LIMS2: variants seen among roughly 807,000 people sequenced by gnomAD.
LIMS2 encodes LIM and senescent cell antigen-like-containing domain protein 2.
In LIMS2, 30 loss-of-function variants were observed where a neutral mutation model predicts 45.3. The ratio of observed to expected loss-of-function variants is 0.66; its 90% CI spans 0.50 to 0.90. The LOEUF (loss-of-function observed/expected upper bound fraction) is 0.90, where lower values mean the gene tolerates loss of function less well. LIMS2 is among the 40% of genes least tolerant of loss of function. The pLI, the probability that LIMS2 is intolerant of heterozygous loss-of-function variation, is 0.00. For missense variants in LIMS2, 485 were observed against 468.7 expected, an observed-to-expected ratio of 1.03 and a Z score of -0.32; for synonymous variants, 173 against 188.0, an observed-to-expected ratio of 0.92 and a Z score of 0.65.
rs1421332603 is a variant in LIMS2, at chr2:127,643,027, C to T, written c.405G>A (p.Leu135=). 6.3e-7 allele frequency: 1 copy of T among 1,588,238 alleles called. No individual in the cohort carries two copies. Among genetic ancestry groups the T allele is most frequent in the Non-Finnish European group, 8.6e-7 (1 of 1,167,720 alleles). Residue 135 remains leucine (L), a synonymous_variant, in exon 5 of 10, where the codon CTG becomes CTA. Transcript: ENST00000355119. ...PCHNREKAKG[L]GKYICQRCHL... is the part of the protein sequence containing the mutation. The stretch of plus-strand genomic sequence containing the variant: ...GGCACCGCTGGCAGATGTACTTGCC[C>T]AGGCCCTTGGCCTTCTCACGGTTGT...
intron 1 of LIMS2, among the ~76,000 whole-genome samples, chr2:127,659,869 C>G (rs1558893381): frequency 6.6e-6 from 1 of 152,244 alleles, no homozygotes; most frequent in African/African-American, 2.4e-5. Context: ...ACGCCTGCCC[C>G]CTCTGGCTTC....
At chr2:127,651,806 C>A in intron 4 of LIMS2, 1 of 1,537,890 alleles carries the variant, frequency 6.5e-7, no homozygotes, top group Non-Finnish European at 8.9e-7. Context: ...CTCAGCAGAC[C>A]CAGCAAGAGG....
Position 127,664,394 on chromosome 2 carries a change from G to A in LIMS2, c.12-6832C>T, listed in dbSNP as rs1684881116. The A allele has an allele frequency of 2.5e-6, 3 of 1,204,150 alleles. No individual in the cohort carries two copies. Among genetic ancestry groups the A allele is most frequent in the South Asian group, 4.2e-5 (1 of 24,018 alleles). 74.6% of individuals were successfully genotyped at this position (1,204,150 alleles called of 1,614,324 possible). A position where few individuals can be genotyped will look rare whatever the true frequency, so the allele number is the denominator to read the frequency against. Reference sequence around the variant, plus strand: ...GCACCCAGCCGGGCCGCCATGGCGCGGGGCAGCCGCCTTGAGGTCGCGGGC... The same window carrying A: ...GCACCCAGCCGGGCCGCCATGGCGCAGGGCAGCCGCCTTGAGGTCGCGGGC... On this transcript the variant is annotated intron_variant, in intron 1 of 9. Coordinates refer to ENST00000355119, the MANE Select transcript of LIMS2 (RefSeq NM_001161403.3). This position sits in a 1 kb window ranked among gnomAD's most constrained non-coding sequence, Gnocchi z 5.5.
chr2:127,650,054 A>G (rs748243679), intron 4 of LIMS2: 31 of 1,607,982 alleles, frequency 1.9e-5, no homozygotes, highest in Non-Finnish European at 2.5e-5. Flanking sequence ...AAAGCCCCCA[A>G]GAGAGATGCT....
intron 4 of LIMS2, chr2:127,649,872 G>A (rs567401939): frequency 4.3e-6 from 3 of 705,304 alleles, no homozygotes; most frequent in Admixed American, 2.6e-5. Flanking sequence ...TGTCTCTGAC[G>A]CTGGGTAAAA....
intron 4 of LIMS2, among the ~76,000 whole-genome samples, chr2:127,644,933 G>A (rs2105221485): frequency 6.6e-6 from 1 of 152,352 alleles, no homozygotes; most frequent in Middle Eastern, 3.4e-3. Context: ...CATCTCTCTT[G>A]AAGGAAGTCC....
At chr2:127,652,988 C>A (rs1683955139) in intron 4 of LIMS2, among the ~76,000 whole-genome samples, 1 of 152,272 alleles carries the variant, frequency 6.6e-6, no homozygotes, top group South Asian at 2.1e-4. Flanking sequence ...GGAGATTGGG[C>A]TCGCTCCACA....
chr2:127,673,231 A>G (rs72968910), intron 1 of LIMS2, among the ~76,000 whole-genome samples: 5,631 of 152,278 alleles, frequency 0.037, 361 homozygotes, highest in African/African-American at 0.13. Flanking sequence ...GCGGGGAGCC[A>G]CCGAACTGCA....
At chr2:127,678,624 A>T (rs1468866358), upstream of LIMS2, among the ~76,000 whole-genome samples, 1 of 152,004 alleles carries the variant, frequency 6.6e-6, no homozygotes, top group Non-Finnish European at 1.5e-5. The surrounding 1 kb of genome is among the most constrained non-coding windows in gnomAD (Gnocchi z 5.3). Context: ...GGGAATCTGG[A>T]TGTGTGTGTG....
At chr2:127,662,533 A>G (rs1005210234) in intron 1 of LIMS2, among the ~76,000 whole-genome samples, 1 of 151,338 alleles carries the variant, frequency 6.6e-6, no homozygotes, top group South Asian at 2.1e-4. Flanking sequence ...GGACGCTAGA[A>G]AATTAACATG....
intron 1 of LIMS2, among the ~76,000 whole-genome samples, chr2:127,662,796 TAATAA>T (rs1047489526): frequency 3.9e-4 from 59 of 151,738 alleles, no homozygotes; most frequent in African/African-American, 1.4e-3. Flanking sequence ...AGTCTAATAA[TAATAA>T]AATAAAAAAG....
exon 1 of LIMS2, chr2:127,681,559 G>A (rs1392753217): frequency 6.6e-6 from 1 of 152,348 alleles, no homozygotes; most frequent in African/African-American, 2.4e-5. Context: ...AGGCACCTTG[G>A]GGTCAGGAGG....
chr2:127,649,421 G>A (rs1397178617), intron 4 of LIMS2, among the ~76,000 whole-genome samples: 1 of 152,246 alleles, frequency 6.6e-6, no homozygotes, highest in African/African-American at 2.4e-5. Context: ...GCAGGGTGGG[G>A]ATGGTGGATA....
Position 127,667,641 on chromosome 2 carries a change from ATCT to A in LIMS2, c.11+7370_11+7372del, listed in dbSNP as rs1410880339. 6.6e-6 allele frequency among the ~76,000 whole-genome samples: 1 copy of A among 152,250 alleles called. No individual in the cohort carries two copies. Among genetic ancestry groups the A allele is most frequent in the East Asian group, 1.9e-4 (1 of 5,200 alleles). ...GAAAACACATTTGGCAAAATCCAAC[ATCT>A]TTTCATAATAAAAGCACCCAACAAA... is the stretch of plus-strand genomic sequence containing the variant. On this transcript the variant is annotated intron_variant, in intron 1 of 9. Coordinates refer to ENST00000355119, the MANE Select transcript of LIMS2 (RefSeq NM_001161403.3). This position sits in a 1 kb window ranked among gnomAD's most constrained non-coding sequence, Gnocchi z 4.1.
chr2:127,644,478 C>G (rs956037735), intron 4 of LIMS2, among the ~76,000 whole-genome samples: 2 of 152,216 alleles, frequency 1.3e-5, no homozygotes, highest in African/African-American at 2.4e-5. Flanking sequence ...AGGCCACCTC[C>G]TCAGCAGGTC....
intron 1 of LIMS2, among the ~76,000 whole-genome samples, chr2:127,680,896 G>C (rs572966634): frequency 4.7e-4 from 72 of 152,284 alleles, no homozygotes; most frequent in African/African-American, 1.6e-3. Context: ...ACATCATGCC[G>C]TCGAGTATCC....
rs1297844546 is a variant in LIMS2 at position 127,672,735 on chromosome 2, A to G, written c.11+2279T>C. 6.6e-6 allele frequency among the ~76,000 whole-genome samples: 1 copy of G among 152,178 alleles called. No individual in the cohort carries two copies. Among genetic ancestry groups the G allele is most frequent in the African/African-American group, 2.4e-5 (1 of 41,436 alleles). On this transcript the variant is annotated intron_variant, in intron 1 of 9. Coordinates refer to ENST00000355119, the MANE Select transcript of LIMS2 (RefSeq NM_001161403.3). This position sits in a 1 kb window ranked among gnomAD's most constrained non-coding sequence, Gnocchi z 4.9. ...ACAGCACCCATGGGTTCATCTGCAG[A>G]CAGCATGGCCACACATGCCACTCCA...
At chr2:127,651,063 C>G in intron 4 of LIMS2, 2 of 1,613,790 alleles carry the variant, frequency 1.2e-6, no homozygotes, top group Non-Finnish European at 1.7e-6. Context: ...CACCGGCTTC[C>G]TCTTCTACCT....
At chr2:127,659,905 G>A (rs1356190045) in intron 1 of LIMS2, among the ~76,000 whole-genome samples, 2 of 152,154 alleles carry the variant, frequency 1.3e-5, no homozygotes, top group Non-Finnish European at 2.9e-5. Flanking sequence ...TACTCCCACG[G>A]GCCAGGTGCT....
Sources: gnomAD v4.1 joint callset for allele counts (sites outside exome capture counted in the v4.1 genomes callset) on GRCh38, gnomAD v4.1.1 for gene constraint, Gnocchi (gnomAD v3.1) non-coding constraint, MANE v1.5 for transcripts, NCBI Gene and HGNC (gene_info 2026-07-23, HGNC 2026-07-21) for gene names.